FSTL4: variants seen among roughly 807,000 people sequenced by gnomAD.
FSTL4 encodes the protein follistatin like 4.
In FSTL4, 28 loss-of-function variants were observed where a neutral mutation model predicts 78.2. That is an observed-to-expected ratio of 0.36 (90% CI 0.27 to 0.49). FSTL4 has a LOEUF of 0.49. FSTL4 is among the 20% of genes least tolerant of loss of function. FSTL4 has a pLI of 0.98. For synonymous variants in FSTL4, 422 were observed against 440.5 expected (o/e 0.96, Z 0.53); for missense variants, 922 against 1,084.9 (o/e 0.85, Z 2.11).
At chr5:133,650,657 T>C in the FSTL4 span, among the ~76,000 whole-genome samples, 1 of 152,184 alleles carries the variant, frequency 6.6e-6, no homozygotes, top group Non-Finnish European at 1.5e-5. Context: ...GTCTGTTCTT[T>C]CACCAGTAAA....
chr5:133,804,133 A>G, the FSTL4 span, among the ~76,000 whole-genome samples: 11 of 152,266 alleles, frequency 7.2e-5, no homozygotes, highest in South Asian at 2.3e-3. Context: ...AAATCCCTAT[A>G]TTCAATCCCT....
chr5:133,471,628 C>T (rs31345), intron 3 of FSTL4, among the ~76,000 whole-genome samples: 19,558 of 152,068 alleles, frequency 0.13, 2,208 homozygotes, highest in African/African-American at 0.31. Context: ...TCTCAGCCAC[C>T]GAAATTTTAA....
the FSTL4 span, among the ~76,000 whole-genome samples, chr5:133,772,758 G>A: frequency 2.6e-5 from 4 of 152,152 alleles, no homozygotes; most frequent in African/African-American, 9.7e-5. Context: ...AGTCCATCAT[G>A]AGGGCAGAAT....
At chr5:133,355,689 AAAC>A (rs1431000593) in intron 4 of FSTL4, among the ~76,000 whole-genome samples, 1 of 152,198 alleles carries the variant, frequency 6.6e-6, no homozygotes, top group African/African-American at 2.4e-5. Flanking sequence ...CAAAAAGAAC[AAAC>A]AACAACACAA....
chr5:133,650,583 G>A, the FSTL4 span, among the ~76,000 whole-genome samples: 2 of 152,104 alleles, frequency 1.3e-5, no homozygotes, highest in African/African-American at 2.4e-5. Flanking sequence ...TATTGCCTCT[G>A]CTCTTTTGTC....
intron 11 of FSTL4, among the ~76,000 whole-genome samples, chr5:133,223,634 A>G (rs1751232130): frequency 6.6e-6 from 1 of 152,228 alleles, no homozygotes; most frequent in Admixed American, 6.5e-5. Context: ...GAAATTGTCA[A>G]TCTTAGACCA....
chr5:133,360,757 C>T (rs919484595), intron 4 of FSTL4, among the ~76,000 whole-genome samples: 3 of 152,134 alleles, frequency 2.0e-5, no homozygotes, highest in African/African-American at 7.2e-5. Context: ...TTAAGAGCGG[C>T]AATGCATTAC....
At chr5:133,385,935 T>G (rs11739796) in intron 4 of FSTL4, among the ~76,000 whole-genome samples, 56,429 of 150,238 alleles carry the variant, frequency 0.38, 11,511 homozygotes, top group Middle Eastern at 0.53. Flanking sequence ...GTGTGTGTGT[T>G]TTTTTTTTAA....
At chr5:133,622,979 A>G in the FSTL4 span, among the ~76,000 whole-genome samples, 6 of 152,218 alleles carry the variant, frequency 3.9e-5, no homozygotes, top group Non-Finnish European at 1.5e-5. Context: ...CAAAATCCCA[A>G]AGATTTTCTC....
intron 7 of FSTL4, among the ~76,000 whole-genome samples, chr5:133,246,106 G>A (rs1040552757): frequency 2.0e-5 from 3 of 152,188 alleles, no homozygotes; most frequent in African/African-American, 7.2e-5. Context: ...CGTGCTCTGT[G>A]ATCTCCCCGC....
chr5:133,352,327 CACACATATATATAT>C (rs1425344918), intron 4 of FSTL4, among the ~76,000 whole-genome samples: 2 of 87,292 alleles, frequency 2.3e-5, no homozygotes, highest in East Asian at 5.0e-4. Context: ...CATATATATA[CACACATATATATAT>C]ACACATATAT....
At chr5:133,645,746 G>A in the FSTL4 span, among the ~76,000 whole-genome samples, 2 of 152,118 alleles carry the variant, frequency 1.3e-5, no homozygotes, top group Admixed American at 6.5e-5. Context: ...AGGCAGCAGA[G>A]GAGGAAGCAA....
the FSTL4 span, among the ~76,000 whole-genome samples, chr5:133,734,668 T>G: frequency 6.6e-6 from 1 of 152,228 alleles, no homozygotes; most frequent in Non-Finnish European, 1.5e-5. Context: ...ATGGATCTCA[T>G]TTCACTTATC....
chr5:133,620,119 T>G, the FSTL4 span, among the ~76,000 whole-genome samples: 1 of 152,212 alleles, frequency 6.6e-6, no homozygotes, highest in East Asian at 1.9e-4. Context: ...AAAAAAGTGT[T>G]TTAGGACTAA....
intron 8 of FSTL4, among the ~76,000 whole-genome samples, chr5:133,231,990 G>A (rs72803110): frequency 6.6e-6 from 1 of 152,196 alleles, no homozygotes; most frequent in Non-Finnish European, 1.5e-5. Context: ...TAGCATGCGG[G>A]AGTAATAAAC....
At chr5:133,322,239 ACCCC>A (rs1561671643) in intron 4 of FSTL4, among the ~76,000 whole-genome samples, 2,471 of 74,438 alleles carry the variant, frequency 0.033, 76 homozygotes, top group African/African-American at 0.1. Flanking sequence ...ACACACACAC[ACCCC>A]CACACCCACC....
rs376063358 is a variant in FSTL4 at position 133,278,057 on chromosome 5, C to G, written c.728-28481G>C. Among the ~76,000 whole-genome samples the G allele has an allele frequency of 1.6e-3, 250 of 152,256 alleles. 2 individuals carry two copies. The highest frequency in any genetic ancestry group is 5.8e-3 in the African/African-American group (239 of 41,538). ...TAATTCACAGGTGGGAAAACTAACC[C>G]CAGGAACCTTAAAAGATTTGCATGG... On this transcript the variant is annotated intron_variant, in intron 6 of 15. Transcript: ENST00000265342.
intron 2 of FSTL4, among the ~76,000 whole-genome samples, chr5:133,567,635 G>T (rs957278749): frequency 3.3e-5 from 5 of 152,218 alleles, no homozygotes; most frequent in Non-Finnish European, 7.3e-5. Flanking sequence ...GTTCTGTTTT[G>T]TGGTGCTATG....
At chr5:133,617,075 C>A (rs530573062), upstream of FSTL4, among the ~76,000 whole-genome samples, 1 of 152,142 alleles carries the variant, frequency 6.6e-6, no homozygotes, top group East Asian at 1.9e-4. Flanking sequence ...CCGAGGCAGG[C>A]GGATCATGAG....
Sources: allele counts gnomAD v4.1 joint callset (sites outside exome capture counted in the v4.1 genomes callset), GRCh38; gene constraint gnomAD v4.1.1; transcripts MANE v1.5; gene names NCBI Gene and HGNC (gene_info 2026-07-23, HGNC 2026-07-21).